The following TYW1 variants were observed in gnomAD, a reference collection of about 807,000 sequenced individuals.
TYW1 encodes the protein S-adenosyl-L-methionine-dependent tRNA 4-demethylwyosine synthase TYW1.
A neutral mutation model predicts 96.2 loss-of-function variants in TYW1; 46 were observed. The ratio of observed to expected loss-of-function variants is 0.48; its 90% CI spans 0.38 to 0.61. TYW1 has a LOEUF of 0.61. Ranked by LOEUF, TYW1 falls within the 20% of genes least tolerant of loss-of-function variation. The pLI is 0.00. For synonymous variants in TYW1, 274 were observed against 323.0 expected (o/e 0.85, Z 1.63); for missense variants, 684 against 909.6 (o/e 0.75, Z 3.19).
intron 7 of TYW1, among the ~76,000 whole-genome samples, chr7:67,043,347 A>G (rs1003830680): frequency 1.4e-5 from 2 of 139,344 alleles, no homozygotes; most frequent in African/African-American, 2.6e-5. Context: ...GTAAATGTAA[A>G]GCCCATTGCT....
intron 5 of TYW1, among the ~76,000 whole-genome samples, chr7:67,016,103 A>G (rs1248311314): frequency 6.6e-6 from 1 of 151,704 alleles, no homozygotes; most frequent in Admixed American, 6.6e-5. Flanking sequence ...CTCCTTTTGC[A>G]TCCTGTTCTC....
Position 67,117,527 on chromosome 7 carries a change from G to A in TYW1, c.1607G>A (p.Ser536Asn). 6.2e-7 allele frequency: 1 copy of A among 1,613,984 alleles called. No individual in the cohort carries two copies. Among genetic ancestry groups the A allele is most frequent in the Non-Finnish European group, 8.5e-7 (1 of 1,179,954 alleles). Reference sequence around the variant, plus strand: ...CAGCTGTATGTCAGTGTGGATGCCAGTACCAAAGACAGCCTGAAGAAAATC... The same window carrying A: ...CAGCTGTATGTCAGTGTGGATGCCAATACCAAAGACAGCCTGAAGAAAATC... ...VTQLYVSVDA[S>N]TKDSLKKIDR... is the part of the protein sequence containing the mutation. The change falls in exon 13 of 16, where the codon AGT becomes AAT. Residue 536 changes from serine to asparagine, a missense_variant. Ser to Asn is a conservative substitution (Grantham distance 46). Transcript: ENST00000359626.
intron 7 of TYW1, among the ~76,000 whole-genome samples, chr7:67,045,342 C>T (rs1052014564): frequency 2.0e-4 from 30 of 151,906 alleles, no homozygotes; most frequent in Admixed American, 1.6e-3. Context: ...TCCCAAGTAG[C>T]TCAGATGACA....
At chr7:67,160,618 G>A (rs1799132004) in intron 13 of TYW1, among the ~76,000 whole-genome samples, 1 of 148,558 alleles carries the variant, frequency 6.7e-6, no homozygotes, top group Admixed American at 6.7e-5. Context: ...TTGAATTGGA[G>A]TCTCACTCTG....
intron 7 of TYW1, among the ~76,000 whole-genome samples, chr7:67,025,751 A>C (rs1221107117): frequency 2.0e-5 from 3 of 152,164 alleles, no homozygotes; most frequent in African/African-American, 7.2e-5. Flanking sequence ...CCAGTGATCT[A>C]AAATTGAAGT....
chr7:67,073,248 A>G (rs1796089771), intron 10 of TYW1, among the ~76,000 whole-genome samples: 1 of 152,182 alleles, frequency 6.6e-6, no homozygotes, highest in Admixed American at 6.5e-5. Context: ...ACATTTGACA[A>G]TGTCTCGAGA....
intron 13 of TYW1, among the ~76,000 whole-genome samples, chr7:67,145,800 G>C (rs1441891297): frequency 6.6e-6 from 1 of 152,104 alleles, no homozygotes; most frequent in African/African-American, 2.4e-5. Flanking sequence ...TGTTGCCCAG[G>C]CTGGAGCACA....
chr7:67,040,706 G>A (rs531792227), intron 7 of TYW1, among the ~76,000 whole-genome samples: 2 of 152,112 alleles, frequency 1.3e-5, no homozygotes, highest in East Asian at 3.9e-4. Context: ...TTAGCTGGGG[G>A]TGATGGTGCG....
At chr7:67,081,210 G>A (rs1293543789) in intron 10 of TYW1, among the ~76,000 whole-genome samples, 1 of 139,228 alleles carries the variant, frequency 7.2e-6, no homozygotes, top group Admixed American at 7.2e-5. Flanking sequence ...GGACAGTTTT[G>A]CTTGGTGGTC....
intron 12 of TYW1, among the ~76,000 whole-genome samples, chr7:67,106,660 T>C (rs1211948911): frequency 2.6e-5 from 4 of 152,240 alleles, no homozygotes; most frequent in Non-Finnish European, 5.9e-5. Context: ...AGAGTCAAAT[T>C]TGTAGTCATT....
At chr7:67,237,217 T>TGG (rs1801915665) in intron 15 of TYW1, among the ~76,000 whole-genome samples, 1 of 144,586 alleles carries the variant, frequency 6.9e-6, no homozygotes, top group African/African-American at 2.6e-5. Flanking sequence ...GACAGTGGCA[T>TGG]GGGCCGGGCG....
chr7:67,107,622 G>A (rs1248469673), intron 12 of TYW1, among the ~76,000 whole-genome samples: 1 of 152,186 alleles, frequency 6.6e-6, no homozygotes, highest in African/African-American at 2.4e-5. Flanking sequence ...TTGCGAGTAT[G>A]TGAGATAAGA....
chr7:67,029,068 G>A (rs1794554688), intron 7 of TYW1, among the ~76,000 whole-genome samples: 1 of 151,104 alleles, frequency 6.6e-6, no homozygotes, highest in African/African-American at 2.4e-5. Flanking sequence ...GCGCAATCTC[G>A]GCTCACTGCA....
intron 13 of TYW1, among the ~76,000 whole-genome samples, chr7:67,176,211 TG>T (rs1799666599): frequency 6.6e-6 from 1 of 152,162 alleles, no homozygotes; most frequent in Non-Finnish European, 1.5e-5. Context: ...TATGGAAAGA[TG>T]TTTTTGACCT....
In TYW1 at chr7:67,117,540, C is replaced by A; in HGVS notation, c.1620C>A (p.Ser540Arg). The A allele has an allele frequency of 6.2e-7, 1 of 1,614,000 alleles. No individual in the cohort carries two copies. The change falls in exon 13 of 16, where the codon AGC becomes AGA. Residue 540 changes from serine (S) to arginine (R), a missense_variant. Physicochemically the swap from Ser to Arg is moderately radical, Grantham distance 110 (BLOSUM62 -1). Coordinates refer to ENST00000359626, the MANE Select transcript of TYW1 (RefSeq NM_018264.4). ...YVSVDASTKD[S>R]LKKIDRPLFK... ...GTGTGGATGCCAGTACCAAAGACAG[C>A]CTGAAGAAAATCGACCGCCCACTCT...
At chr7:67,042,584 A>G (rs1297070966) in intron 7 of TYW1, among the ~76,000 whole-genome samples, 1 of 152,218 alleles carries the variant, frequency 6.6e-6, no homozygotes, top group Non-Finnish European at 1.5e-5. Context: ...AGGCTTCTCA[A>G]GTCCTGCAGT....
At position 66,998,194 on chromosome 7, in the gene TYW1, A is replaced by AG; in HGVS notation, c.135+1dup. ...TGTGTCCAGATTGTCATCAAGACGC[A>AG]GGTAAGTGGAGTTATTTTTTTTTTA... is the stretch of plus-strand genomic sequence containing the variant. On this transcript the variant is annotated frameshift_variant and splice_region_variant, in exon 2 of 16. Transcript: ENST00000359626. LOFTEE classifies it high-confidence loss of function. 6.3e-7 allele frequency: 1 copy of AG among 1,591,808 alleles called. No homozygotes were observed. The highest frequency in any genetic ancestry group is 8.5e-7 in the Non-Finnish European group (1 of 1,174,396).
chr7:67,024,870 C>T (rs1562971099), intron 6 of TYW1, 30 bp from the exon 7 acceptor site: 5 of 1,611,886 alleles, frequency 3.1e-6, no homozygotes, highest in Non-Finnish European at 3.4e-6. Flanking sequence ...CCCCTTTGAA[C>T]AATGTATTTC....
chr7:67,073,553 C>T (rs1796102137), intron 10 of TYW1, among the ~76,000 whole-genome samples: 3 of 151,596 alleles, frequency 2.0e-5, no homozygotes, highest in Admixed American at 1.3e-4. Flanking sequence ...AGGCGGATCA[C>T]GAGGTCAGGA....
Sources: allele counts gnomAD v4.1 joint callset (sites outside exome capture counted in the v4.1 genomes callset), GRCh38; gene constraint gnomAD v4.1.1; transcripts MANE v1.5; gene names NCBI Gene and HGNC (gene_info 2026-07-23, HGNC 2026-07-21).